Variants in DGLUCY observed in about 807,000 individuals in gnomAD.
DGLUCY encodes D-glutamate cyclase, also known as D-glutamate cyclase, mitochondrial.
Under a neutral mutation model 58.5 loss-of-function variants are expected in DGLUCY, and 58 were observed. That is an observed-to-expected ratio of 0.99 (90% CI 0.80 to 1.23). The LOEUF (loss-of-function observed/expected upper bound fraction) is 1.23. Ranked by LOEUF, DGLUCY falls within the 50% of genes most tolerant of loss-of-function variation. DGLUCY has a pLI of 0.00. For missense variants in DGLUCY, 779 were observed against 784.7 expected (o/e 0.99, Z 0.09); for synonymous variants, 325 against 314.1 (o/e 1.03, Z -0.37).
intron 3 of DGLUCY, among the ~76,000 whole-genome samples, chr14:91,164,565 G>T (rs149492252): frequency 6.6e-6 from 1 of 152,170 alleles, no homozygotes. Flanking sequence ...GCCCAGTAAC[G>T]CCGTCATTCT....
upstream of DGLUCY, among the ~76,000 whole-genome samples, chr14:91,105,643 G>T (rs1052005170): frequency 1.3e-5 from 2 of 152,186 alleles, no homozygotes; most frequent in Non-Finnish European, 1.5e-5. Flanking sequence ...CAAATAGCAT[G>T]CTATGAAACT....
chr14:91,121,588 CAG>C (rs1365782759), intron 1 of DGLUCY, among the ~76,000 whole-genome samples: 84 of 148,004 alleles, frequency 5.7e-4, no homozygotes, highest in Non-Finnish European at 1.2e-4. Context: ...GCCTGGGTGA[CAG>C]AGTGAGACTC....
At chr14:91,203,356 G>A (rs532237520) in intron 11 of DGLUCY, among the ~76,000 whole-genome samples, 2 of 152,328 alleles carry the variant, frequency 1.3e-5, no homozygotes, top group African/African-American at 4.8e-5. Flanking sequence ...AGATGGATCA[G>A]CTCTAGATCC....
chr14:91,183,462 TGA>T (rs2049305803), intron 8 of DGLUCY, among the ~76,000 whole-genome samples: 1 of 152,204 alleles, frequency 6.6e-6, no homozygotes, highest in South Asian at 2.1e-4. Context: ...CAAACACTCA[TGA>T]GAGAATTACG....
upstream of DGLUCY, among the ~76,000 whole-genome samples, chr14:91,111,198 ATATATGTG>A (rs1335618860): frequency 1.3e-3 from 43 of 32,652 alleles, no homozygotes; most frequent in African/African-American, 2.1e-3. Flanking sequence ...TTTTATTTAT[ATATATGTG>A]TGTGTGTGTG....
chr14:91,122,159 TA>T (rs1371718874), intron 1 of DGLUCY, among the ~76,000 whole-genome samples: 2 of 151,994 alleles, frequency 1.3e-5, no homozygotes, highest in African/African-American at 2.4e-5. Context: ...AGGAGCTTTT[TA>T]TTTTTTTATT....
At position 91,189,136 on chromosome 14, in the gene DGLUCY, G is replaced by T; in HGVS notation, c.1161G>T (p.Leu387Phe). 6.2e-7 allele frequency: 1 copy of T among 1,614,214 alleles called. No individual in the cohort carries two copies. The highest frequency in any genetic ancestry group is 8.5e-7 in the Non-Finnish European group (1 of 1,180,038). Residue 387 changes from leucine to phenylalanine, a missense_variant, in exon 9 of 14, where the codon TTG becomes TTT. Transcript: ENST00000256324. ...TCGTTGACCAGAGAGCCTGGAACTT[G>T]CACCAGAAGATTGTTGAAGATGCTG... The part of the protein sequence containing the change: ...AIIVDQRAWN[L>F]HQKIVEDAVE...
At position 91,202,239 on chromosome 14, in the gene DGLUCY, A is replaced by G. The variant is rs11848261; in HGVS notation, c.1444+2334A>G. ...GCAGCTAATTAGTGTTGCTGGTAGC[A>G]TTAGGAGTAGACTGCAGACTCCTGG... On this transcript the variant is annotated intron_variant, in intron 11 of 13. Transcript: ENST00000256324. Among the ~76,000 whole-genome samples, 1,300 of 152,178 alleles carry G rather than the reference A, an allele frequency of 8.5e-3. 18 individuals carry two copies. Among genetic ancestry groups the G allele is most frequent in the African/African-American group, 0.029 (1,215 of 41,524 alleles).
At chr14:91,204,877 C>T (rs893456647) in intron 12 of DGLUCY, 52 bp downstream of exon 12, 17 of 1,610,596 alleles carry the variant, frequency 1.1e-5, no homozygotes, top group Non-Finnish European at 1.4e-5. Context: ...GGTGAGCGAC[C>T]TGGCTTGGAG....
chr14:91,198,624 G>A (rs776146755), intron 10 of DGLUCY, among the ~76,000 whole-genome samples: 4 of 152,164 alleles, frequency 2.6e-5, no homozygotes, highest in Non-Finnish European at 5.9e-5. Context: ...TAGGATTACC[G>A]GTATGAGCCA....
chr14:91,071,944 G>C (rs1254372535), intron 1 of DGLUCY, among the ~76,000 whole-genome samples: 1 of 151,878 alleles, frequency 6.6e-6, no homozygotes, highest in African/African-American at 2.4e-5. Flanking sequence ...AACAAAAATG[G>C]GGAAGTGAGG....
At position 91,160,281 on chromosome 14, in the gene DGLUCY, T is replaced by C. The variant is rs950613662; in HGVS notation, c.-14T>C. ...CCTCACCCAGATTCTCTGCTACTTA[T>C]TCAAGTTGACACGATGCCCTTCACA... On this transcript the variant is annotated 5_prime_UTR_variant, in exon 3 of 14. Transcript: ENST00000256324. 5.0e-6 allele frequency: 8 copies of C among 1,598,056 alleles called. No individual in the cohort carries two copies. Among genetic ancestry groups the C allele is most frequent in the Non-Finnish European group, 6.9e-6 (8 of 1,165,658 alleles).
chr14:91,106,974 C>T (rs2044603609), upstream of DGLUCY, among the ~76,000 whole-genome samples: 1 of 152,272 alleles, frequency 6.6e-6, no homozygotes, highest in South Asian at 2.1e-4. Context: ...TAAACAGTTA[C>T]AGTTTGCAAT....
intron 12 of DGLUCY, among the ~76,000 whole-genome samples, chr14:91,208,794 A>G (rs1196606191): frequency 3.9e-5 from 6 of 152,178 alleles, no homozygotes; most frequent in Non-Finnish European, 5.9e-5. Context: ...TGGTACATGG[A>G]ATGAGAGGGA....
rs559423455 is a variant in DGLUCY at position 91,175,217 on chromosome 14, C to T, written c.608-717C>T. Among the ~76,000 whole-genome samples, 41 of 152,108 alleles carry T rather than the reference C, an allele frequency of 2.7e-4. No individual in the cohort carries two copies. The South Asian group carries it at 2.7e-3, about 10-fold the overall frequency. Reference sequence around the variant, plus strand: ...TGAGCTGAAATCCATTGATCCCCAGCGTATTCACTCAATCTGAGAGTGAGT... The same window carrying T: ...TGAGCTGAAATCCATTGATCCCCAGTGTATTCACTCAATCTGAGAGTGAGT... On this transcript the variant is annotated intron_variant, in intron 6 of 13. Transcript: ENST00000256324.
At position 91,196,028 on chromosome 14, in the gene DGLUCY, A is replaced by T. The variant is rs578228282; in HGVS notation, c.1196-347A>T. Among the ~76,000 whole-genome samples, 20 of 152,212 alleles carry T rather than the reference A, an allele frequency of 1.3e-4. No homozygotes were observed. The South Asian group carries it at 3.7e-3, about 28-fold the overall frequency. On this transcript the variant is annotated intron_variant, in intron 9 of 13. Transcript: ENST00000256324. ...AAAATTAAATCACAGTGGCTGGCGC[A>T]CTGTCACCGAGGGCACATAAATGTA...
At chr14:91,111,349 C>T (rs1372067430), upstream of DGLUCY, among the ~76,000 whole-genome samples, 2 of 151,376 alleles carry the variant, frequency 1.3e-5, no homozygotes, top group Non-Finnish European at 2.9e-5. Flanking sequence ...GGCACCATCT[C>T]GGCTCACTGC....
At chr14:91,187,986 C>G (rs536632875) in intron 8 of DGLUCY, among the ~76,000 whole-genome samples, 1 of 152,228 alleles carries the variant, frequency 6.6e-6, no homozygotes, top group East Asian at 1.9e-4. Flanking sequence ...GTACCATTTC[C>G]CTTCCCTCTT....
rs138171068 is a variant in DGLUCY, at chr14:91,181,376, C to A, written c.921C>A (p.Ile307=). ...AGATCAGAGAACTAGAGTCTATGAT[C>A]GGCATAGACCCAGGTAAGAAACAAC... ...SQKIRELESM[I]GIDPGNRGIG... Residue 307 remains isoleucine, a synonymous_variant, in exon 8 of 14, where the codon ATC becomes ATA. Coordinates refer to ENST00000256324, the MANE Select transcript of DGLUCY (RefSeq NM_001102368.3). 543 of 1,613,082 alleles carry A rather than the reference C, an allele frequency of 3.4e-4. 2 individuals carry two copies. The highest frequency in any genetic ancestry group is 4.2e-4 in the East Asian group (19 of 44,880).
Sources: gnomAD v4.1 joint callset for allele counts (sites outside exome capture counted in the v4.1 genomes callset) on GRCh38, gnomAD v4.1.1 for gene constraint, MANE v1.5 for transcripts, NCBI Gene and HGNC (gene_info 2026-07-23, HGNC 2026-07-21) for gene names.